Variants in MAGI1 observed in about 807,000 individuals in gnomAD.
MAGI1 encodes membrane-associated guanylate kinase, WW and PDZ domain-containing protein 1.
In MAGI1, 58 loss-of-function variants were observed where a neutral mutation model predicts 139.9. The ratio of observed to expected loss-of-function variants is 0.41; its 90% CI spans 0.34 to 0.52. The LOEUF (loss-of-function observed/expected upper bound fraction) is 0.52. Among genes scored for constraint, MAGI1 ranks in the 20% least tolerant of loss-of-function variants. The pLI is 0.12. For synonymous variants in MAGI1, 812 were observed against 737.9 expected, an observed-to-expected ratio of 1.10 and a Z score of -1.63; for missense variants, 1,874 against 1,901.6, an observed-to-expected ratio of 0.99 and a Z score of 0.27.
intron 7 of MAGI1, among the ~76,000 whole-genome samples, chr3:65,445,526 T>C (rs373485615): frequency 2.0e-5 from 3 of 152,206 alleles, no homozygotes; most frequent in Non-Finnish European, 1.5e-5. Context: ...TGTATATAGA[T>C]TGAAAATCAT....
intron 1 of MAGI1, among the ~76,000 whole-genome samples, chr3:65,951,388 A>AT (rs1316178482): frequency 3.3e-5 from 5 of 152,232 alleles, no homozygotes; most frequent in Admixed American, 3.3e-4. Context: ...AACCACCTGA[A>AT]TCTACTTTTT....
At chr3:66,032,342 C>T (rs1289872189) in intron 1 of MAGI1, among the ~76,000 whole-genome samples, 1 of 149,646 alleles carries the variant, frequency 6.7e-6, no homozygotes, top group Non-Finnish European at 1.5e-5. Flanking sequence ...TCCCTAGTGG[C>T]TGGGATTACA....
chr3:65,872,020 G>A (rs372281859), intron 1 of MAGI1, among the ~76,000 whole-genome samples: 2 of 152,066 alleles, frequency 1.3e-5, no homozygotes, highest in African/African-American at 4.8e-5. Context: ...CAGAGTTCTC[G>A]CTCTACTAAC....
chr3:65,599,712 C>T (rs1202990095), intron 2 of MAGI1, among the ~76,000 whole-genome samples: 2 of 152,204 alleles, frequency 1.3e-5, no homozygotes, highest in African/African-American at 4.8e-5. Context: ...CTATATAAAA[C>T]ATCTCAACCA....
At chr3:66,026,227 C>T (rs2068253373) in intron 1 of MAGI1, among the ~76,000 whole-genome samples, 1 of 152,082 alleles carries the variant, frequency 6.6e-6, no homozygotes, top group African/African-American at 2.4e-5. Context: ...TCCACGGCCA[C>T]ATTACATAAG....
chr3:65,450,966 T>C (rs1284782383), intron 6 of MAGI1, among the ~76,000 whole-genome samples: 10 of 152,220 alleles, frequency 6.6e-5, no homozygotes, highest in Admixed American at 5.2e-4. Flanking sequence ...AATCTGATTA[T>C]ATATTTATAC....
At chr3:65,700,486 A>G (rs2089520244) in intron 1 of MAGI1, among the ~76,000 whole-genome samples, 2 of 152,090 alleles carry the variant, frequency 1.3e-5, no homozygotes, top group Non-Finnish European at 2.9e-5. Context: ...TAATAACAAT[A>G]GCAAATTTCA....
chr3:65,807,455 T>G (rs2040934609), intron 1 of MAGI1, among the ~76,000 whole-genome samples: 1 of 152,194 alleles, frequency 6.6e-6, no homozygotes, highest in African/African-American at 2.4e-5. Context: ...GCCACACCTC[T>G]TAACACTATC....
chr3:65,582,842 C>T (rs1271102644), intron 2 of MAGI1, among the ~76,000 whole-genome samples: 3 of 152,286 alleles, frequency 2.0e-5, no homozygotes, highest in Middle Eastern at 6.8e-3. Context: ...AGCAAATGAA[C>T]GCTGACATGA....
intron 1 of MAGI1, among the ~76,000 whole-genome samples, chr3:65,921,396 T>C (rs1365250590): frequency 6.6e-6 from 1 of 151,856 alleles, no homozygotes; most frequent in African/African-American, 2.4e-5. Context: ...GCAATCTCTG[T>C]GTCCCGGGTT....
chr3:65,791,696 G>GTAGC (rs1455244138), intron 1 of MAGI1, among the ~76,000 whole-genome samples: 12 of 152,102 alleles, frequency 7.9e-5, no homozygotes, highest in Admixed American at 7.9e-4. Flanking sequence ...GTTCTTATTG[G>GTAGC]TAGCTTATGG....
intron 1 of MAGI1, among the ~76,000 whole-genome samples, chr3:65,787,314 T>C (rs1032666098): frequency 9.2e-5 from 14 of 152,036 alleles, no homozygotes; most frequent in African/African-American, 3.4e-4. Flanking sequence ...ACTGGAGCAT[T>C]TTCATAGCAA....
chr3:65,721,442 A>G (rs2033009937), intron 1 of MAGI1, among the ~76,000 whole-genome samples: 1 of 152,182 alleles, frequency 6.6e-6, no homozygotes. Flanking sequence ...GAGCTGTCCT[A>G]AGCAAGCTAG....
At chr3:65,821,761 C>G (rs1259846806) in intron 1 of MAGI1, among the ~76,000 whole-genome samples, 1 of 152,162 alleles carries the variant, frequency 6.6e-6, no homozygotes, top group Non-Finnish European at 1.5e-5. Flanking sequence ...ATGCTTGGTT[C>G]CCCTAGGACT....
At chr3:65,933,977 AT>A (rs2062926914) in intron 1 of MAGI1, among the ~76,000 whole-genome samples, 1 of 152,096 alleles carries the variant, frequency 6.6e-6, no homozygotes, top group African/African-American at 2.4e-5. Context: ...AATACAAAAA[AT>A]TAGCTGGGCT....
chr3:66,038,242 C>T lies in MAGI1; in HGVS notation c.67G>A (p.Gly23Arg). The change falls in exon 1 of 23, where the codon GGA becomes AGA. Residue 23 changes from glycine to arginine, a missense_variant. Transcript: ENST00000402939. ...GTCACCCCCAGCTCGCCCTGGGGTC[C>T]CCGCTTCACGGTGCATTCGTGAACC... ...SRVHECTVKR[G>R]PQGELGVTVL... The T allele has an allele frequency of 6.2e-7, 1 of 1,611,414 alleles. No individual in the cohort carries two copies.
At chr3:65,581,364 G>GA (rs952363264) in intron 2 of MAGI1, among the ~76,000 whole-genome samples, 20 of 150,650 alleles carry the variant, frequency 1.3e-4, no homozygotes, top group East Asian at 5.9e-4. Context: ...TACTGTACAA[G>GA]AAAAAAAAAG....
At chr3:65,555,558 T>TA (rs2107989880) in intron 2 of MAGI1, among the ~76,000 whole-genome samples, 1 of 152,134 alleles carries the variant, frequency 6.6e-6, no homozygotes, top group Non-Finnish European at 1.5e-5. Context: ...TGGTGCCATT[T>TA]AAAAAAATAT....
chr3:65,834,162 G>T (rs958231758), intron 1 of MAGI1, among the ~76,000 whole-genome samples: 6 of 152,178 alleles, frequency 3.9e-5, no homozygotes, highest in African/African-American at 1.4e-4. Flanking sequence ...TAACAGGACG[G>T]TATGAAAGTA....
Sources: allele counts gnomAD v4.1 joint callset (sites outside exome capture counted in the v4.1 genomes callset), GRCh38; gene constraint gnomAD v4.1.1; transcripts MANE v1.5; gene names NCBI Gene and HGNC (gene_info 2026-07-23, HGNC 2026-07-21).